Variants in N4BP2 observed in about 807,000 individuals in gnomAD.
The protein encoded by N4BP2 is NEDD4 binding protein 2.
Under a neutral mutation model 152.8 loss-of-function variants are expected in N4BP2, and 91 were observed. The observed-to-expected ratio is 0.60, with a 90% confidence interval of 0.50 to 0.71. The LOEUF (loss-of-function observed/expected upper bound fraction) is 0.71, where lower values mean the gene tolerates loss of function less well. Among genes scored for constraint, N4BP2 ranks in the 30% least tolerant of loss-of-function variants. N4BP2 has a pLI of 0.00. For synonymous variants in N4BP2, 646 were observed against 705.3 expected (o/e 0.92, Z 1.33); for missense variants, 1,923 against 2,059.1 (o/e 0.93, Z 1.28).
At chr4:40,183,130 T>C in the N4BP2 span, among the ~76,000 whole-genome samples, 1 of 152,226 alleles carries the variant, frequency 6.6e-6, no homozygotes, top group Non-Finnish European at 1.5e-5. Flanking sequence ...GTAGTCATAA[T>C]GCACAGATAC....
the N4BP2 span, among the ~76,000 whole-genome samples, chr4:40,182,599 G>A: frequency 6.6e-6 from 1 of 151,802 alleles, no homozygotes; most frequent in Non-Finnish European, 1.5e-5. Context: ...ACAGGTGCAC[G>A]CCACCATGCC....
intron 2 of N4BP2, among the ~76,000 whole-genome samples, chr4:40,093,314 T>G (rs1259438794): frequency 2.0e-5 from 3 of 152,170 alleles, no homozygotes; most frequent in Non-Finnish European, 4.4e-5. Flanking sequence ...TTCTGGGTTC[T>G]TATGGTGGGG....
chr4:40,079,423 G>A (rs1175036299), intron 2 of N4BP2, among the ~76,000 whole-genome samples: 1 of 133,836 alleles, frequency 7.5e-6, no homozygotes, highest in African/African-American at 2.7e-5. Context: ...ACCCTGGATG[G>A]TTTTTTTTTT....
chr4:40,061,451 G>A (rs1733645349), intron 1 of N4BP2, among the ~76,000 whole-genome samples: 2 of 151,988 alleles, frequency 1.3e-5, no homozygotes, highest in South Asian at 4.1e-4. Context: ...TGCAACCTCC[G>A]CCTCCTGGGT....
At chr4:40,184,862 G>A in the N4BP2 span, among the ~76,000 whole-genome samples, 4 of 152,100 alleles carry the variant, frequency 2.6e-5, no homozygotes, top group South Asian at 2.1e-4. Context: ...AGGCTGAGGC[G>A]TAAGAATCGC....
At chr4:40,177,675 A>C in the N4BP2 span, among the ~76,000 whole-genome samples, 1 of 151,976 alleles carries the variant, frequency 6.6e-6, no homozygotes, top group Non-Finnish European at 1.5e-5. Flanking sequence ...TAGAGCACAG[A>C]CTCCGTGTGA....
intron 7 of N4BP2, among the ~76,000 whole-genome samples, chr4:40,117,266 T>C (rs1285334825): frequency 6.6e-6 from 1 of 152,216 alleles, no homozygotes; most frequent in Admixed American, 6.5e-5. Context: ...TCATATTTTC[T>C]ATCTCTTTGC....
chr4:40,163,272 G>T, the N4BP2 span, among the ~76,000 whole-genome samples: 4 of 152,158 alleles, frequency 2.6e-5, no homozygotes, highest in Non-Finnish European at 5.9e-5. Flanking sequence ...ATAACCACCC[G>T]CTGGGGTAGG....
At chr4:40,078,639 C>T (rs1713030794) in intron 2 of N4BP2, among the ~76,000 whole-genome samples, 1 of 151,880 alleles carries the variant, frequency 6.6e-6, no homozygotes, top group Admixed American at 6.6e-5. Context: ...GATCCTCTCA[C>T]CTTAGCTTCC....
chr4:40,174,337 A>C, the N4BP2 span, among the ~76,000 whole-genome samples: 2 of 152,088 alleles, frequency 1.3e-5, no homozygotes, highest in Admixed American at 1.3e-4. Flanking sequence ...TGATCATTTA[A>C]AGAAATTAAA....
At chr4:40,075,217 A>T (rs1364609996) in intron 2 of N4BP2, among the ~76,000 whole-genome samples, 1 of 152,142 alleles carries the variant, frequency 6.6e-6, no homozygotes, top group African/African-American at 2.4e-5. Flanking sequence ...ATAAGTCAGT[A>T]ATACCGACTG....
In N4BP2 at chr4:40,137,042, ATG is replaced by A; in HGVS notation, c.4747_4748del (p.Val1583HisfsTer9). The A allele has an allele frequency of 6.2e-7, 1 of 1,613,842 alleles. No homozygotes were observed. The highest frequency in any genetic ancestry group is 8.5e-7 in the Non-Finnish European group (1 of 1,179,810). ...CAAGAGTTTGTTCACCAAAATGAGA[ATG>A]TCACATCTCATACTGGCCAGAAGTC... On this transcript the variant is annotated frameshift_variant, in exon 14 of 18. Coordinates refer to ENST00000261435, the MANE Select transcript of N4BP2 (RefSeq NM_018177.6). LOFTEE classifies it high-confidence loss of function.
chr4:40,092,633 A>G (rs1434441810), intron 2 of N4BP2, among the ~76,000 whole-genome samples: 1 of 134,668 alleles, frequency 7.4e-6, no homozygotes, highest in Non-Finnish European at 1.6e-5. Context: ...GTTATCTGCT[A>G]TTTATTATTT....
rs566646773 is a variant in N4BP2, at chr4:40,059,697, GCATA to G, written c.-212+2671_-212+2674del. 2.4e-3 allele frequency among the ~76,000 whole-genome samples: 367 copies of G among 151,908 alleles called. 3 individuals carry two copies. Among genetic ancestry groups the G allele is most frequent in the African/African-American group, 8.4e-3 (348 of 41,224 alleles). Reference sequence around the variant, plus strand: ...ACCTACCTTGCCTGATAATGAGTAAGCATACATCAAGCCATGTATCATTATCAAC... The same window carrying G: ...ACCTACCTTGCCTGATAATGAGTAAGCATCAAGCCATGTATCATTATCAAC... On this transcript the variant is annotated intron_variant, in intron 1 of 17. Transcript: ENST00000261435.
rs1295015174 is a variant in N4BP2, at chr4:40,121,541, T to C, written c.3430T>C (p.Ser1144Pro). Reference sequence around the variant, plus strand: ...TACAGAGTTTGAGAATTTCCAAAAATCGTGTGATGGATCACAAATTGGGCC... The same window carrying C: ...TACAGAGTTTGAGAATTTCCAAAAACCGTGTGATGGATCACAAATTGGGCC... ...EDTEFENFQK[S>P]CDGSQIGPFS... Residue 1144 changes from serine to proline, a missense_variant, in exon 9 of 18, where the codon TCG becomes CCG. Coordinates refer to ENST00000261435, the MANE Select transcript of N4BP2 (RefSeq NM_018177.6). 2 of 1,614,046 alleles carry C rather than the reference T, an allele frequency of 1.2e-6. No homozygotes were observed. The highest frequency in any genetic ancestry group is 1.3e-5 in the African/African-American group (1 of 74,922).
chr4:40,122,145 G>A lies in N4BP2; in HGVS notation c.4034G>A (p.Gly1345Glu). The change falls in exon 9 of 18, where the codon GGA becomes GAA. Residue 1345 changes from glycine to glutamate, a missense_variant. By Grantham distance (98) the Gly-to-Glu change is moderately conservative. Coordinates refer to ENST00000261435, the MANE Select transcript of N4BP2 (RefSeq NM_018177.6). Reference sequence around the variant, plus strand: ...GAAATGAAGGAAATTCTAATGGCAGGAAGTAGTTTATCAGCTGGAGTTAGT... The same window carrying A: ...GAAATGAAGGAAATTCTAATGGCAGAAAGTAGTTTATCAGCTGGAGTTAGT... ...EKEMKEILMA[G>E]SSLSAGVSGE... 6 of 1,610,556 alleles carry A rather than the reference G, an allele frequency of 3.7e-6. No individual in the cohort carries two copies. In the South Asian group the frequency reaches 6.6e-5, roughly 18 times the overall value.
downstream of N4BP2, among the ~76,000 whole-genome samples, chr4:40,160,428 T>C (rs189719830): frequency 2.0e-5 from 3 of 152,316 alleles, no homozygotes; most frequent in East Asian, 5.8e-4. Flanking sequence ...GGGCTAGTGA[T>C]ATGTGGTGCA....
intron 11 of N4BP2, among the ~76,000 whole-genome samples, chr4:40,124,450 A>C (rs1332766162): frequency 6.6e-6 from 1 of 151,916 alleles, no homozygotes; most frequent in Non-Finnish European, 1.5e-5. Flanking sequence ...GGGTTCAAGC[A>C]ATTCTCCTGC....
rs1717990681 is a variant in N4BP2, at chr4:40,122,147, A to G, written c.4036A>G (p.Ser1346Gly). The change falls in exon 9 of 18, where the codon AGT becomes GGT. Residue 1346 changes from serine (S) to glycine (G), a missense_variant. By Grantham distance (56) the Ser-to-Gly change is moderately conservative. Coordinates refer to ENST00000261435, the MANE Select transcript of N4BP2 (RefSeq NM_018177.6). ...KEMKEILMAG[S>G]SLSAGVSGED... The stretch of plus-strand genomic sequence containing the variant: ...AATGAAGGAAATTCTAATGGCAGGA[A>G]GTAGTTTATCAGCTGGAGTTAGTGG... 1.2e-6 allele frequency: 2 copies of G among 1,610,936 alleles called. No homozygotes were observed. Among genetic ancestry groups the G allele is most frequent in the South Asian group, 2.2e-5 (2 of 90,730 alleles).
Sources: allele counts gnomAD v4.1 joint callset (sites outside exome capture counted in the v4.1 genomes callset), GRCh38; gene constraint gnomAD v4.1.1; transcripts MANE v1.5; gene names NCBI Gene and HGNC (gene_info 2026-07-23, HGNC 2026-07-21).